USP10: variants seen among roughly 807,000 people sequenced by gnomAD.
The protein encoded by USP10 is ubiquitin carboxyl-terminal hydrolase 10.
Under a neutral mutation model 84.5 loss-of-function variants are expected in USP10, and 22 were observed. The ratio of observed to expected loss-of-function variants is 0.26; its 90% CI spans 0.19 to 0.37. USP10 has a LOEUF of 0.37. USP10 is among the 10% of genes least tolerant of loss of function. The pLI, the probability that USP10 is intolerant of heterozygous loss-of-function variation, is 1.00. For missense variants in USP10, 1,019 were observed against 998.9 expected (o/e 1.02, Z -0.27); for synonymous variants, 454 against 387.6 (o/e 1.17, Z -2.01).
chr16:84,775,196 A>C lies in USP10; in HGVS notation c.2180A>C (p.Lys727Thr), dbSNP rs1914870478. The C allele has an allele frequency of 6.2e-7, 1 of 1,613,786 alleles. No individual in the cohort carries two copies. Among genetic ancestry groups the C allele is most frequent in the Non-Finnish European group, 8.5e-7 (1 of 1,179,702 alleles). The stretch of plus-strand genomic sequence containing the variant: ...CCAGGGGTTAAAAATAAGAATTTTA[A>C]ATGCCACCGAACCTATCGGCTCTTT... ...LSPGVKNKNF[K>T]CHRTYRLFAV... is the part of the protein sequence containing the mutation. Residue 727 changes from lysine (K) to threonine (T), a missense_variant, in exon 13 of 14, where the codon AAA (lysine) becomes ACA (threonine). By Grantham distance (78) the Lys-to-Thr change is moderately conservative (BLOSUM62 -1). This residue lies in a region of USP10 where 232 missense variants were observed against 290.1 expected (regional missense o/e 0.80). Transcript: ENST00000219473.
intron 2 of USP10, among the ~76,000 whole-genome samples, chr16:84,734,093 T>A (rs1305945471): frequency 6.6e-6 from 1 of 152,206 alleles, no homozygotes; most frequent in Non-Finnish European, 1.5e-5. Context: ...TATTTTATCA[T>A]GTCTCCTGGT....
chr16:84,752,357 A>G (rs1016655005), intron 4 of USP10, among the ~76,000 whole-genome samples: 2 of 152,232 alleles, frequency 1.3e-5, no homozygotes, highest in Admixed American at 6.5e-5. Flanking sequence ...GCCAACTTCT[A>G]TTATATGCCC....
intron 10 of USP10, among the ~76,000 whole-genome samples, chr16:84,764,920 C>CGAGA (rs1450932482): frequency 2.4e-4 from 13 of 55,054 alleles, no homozygotes; most frequent in South Asian, 7.4e-4. Flanking sequence ...ACAATAACCA[C>CGAGA]GAGAGAGAGA....
chr16:84,775,349 T>C (rs1914892305), intron 13 of USP10, 124 bp downstream of exon 13: 3 of 943,970 alleles, frequency 3.2e-6, no homozygotes, highest in Non-Finnish European at 5.0e-6. Flanking sequence ...CCCTGTGGCC[T>C]TGTGAGTCGG....
At chr16:84,762,170 C>G (rs1293609435) in intron 8 of USP10, among the ~76,000 whole-genome samples, 1 of 152,248 alleles carries the variant, frequency 6.6e-6, no homozygotes, top group Non-Finnish European at 1.5e-5. Context: ...ATGTGTAACA[C>G]AGCTAACGCT....
At chr16:84,727,795 A>G (rs1472210788) in intron 1 of USP10, among the ~76,000 whole-genome samples, 2 of 152,236 alleles carry the variant, frequency 1.3e-5, no homozygotes, top group Non-Finnish European at 2.9e-5. Context: ...TTGAATGTGT[A>G]TTTCCTAAGA....
intron 1 of USP10, among the ~76,000 whole-genome samples, chr16:84,715,871 C>T (rs1366145566): frequency 1.3e-5 from 2 of 152,156 alleles, no homozygotes; most frequent in Admixed American, 1.3e-4. Flanking sequence ...GGGCTAGTTT[C>T]CCCCACGATG....
chr16:84,713,908 G>A (rs771340578), intron 1 of USP10, among the ~76,000 whole-genome samples: 12 of 152,398 alleles, frequency 7.9e-5, no homozygotes, highest in Admixed American at 3.3e-4. Context: ...TGTCGCTGAA[G>A]TGCATTTGGG....
At chr16:84,740,474 G>A in intron 3 of USP10, 105 bp downstream of exon 3, 1 of 935,710 alleles carries the variant, frequency 1.1e-6, no homozygotes, top group Non-Finnish European at 1.6e-6. Flanking sequence ...ACATTTCTTT[G>A]TAGCTTGAAG....
At chr16:84,738,853 A>G (rs969220075) in intron 2 of USP10, among the ~76,000 whole-genome samples, 47 of 152,284 alleles carry the variant, frequency 3.1e-4, no homozygotes, top group African/African-American at 8.9e-4. Context: ...GAGGAAGCCA[A>G]TCAAGCAGCA....
rs371187327 is a variant in USP10, at chr16:84,775,589, C to G, written c.2209+364C>G. On this transcript the variant is annotated intron_variant, in intron 13 of 13. Coordinates refer to ENST00000219473, the MANE Select transcript of USP10 (RefSeq NM_005153.3). The stretch of plus-strand genomic sequence containing the variant: ...GGAGTTTCCACGACACCTGGTCACC[C>G]AGCCAGGTTGGGTGAGCGCGCCCCC... 5.9e-5 allele frequency among the ~76,000 whole-genome samples: 9 copies of G among 152,308 alleles called. 1 individual carries two copies. The highest frequency in any genetic ancestry group is 1.9e-4 in the East Asian group (1 of 5,174).
chr16:84,759,165 C>T (rs1597379292), intron 5 of USP10, 198 bp from the exon 6 acceptor site: 1 of 609,240 alleles, frequency 1.6e-6, no homozygotes, highest in Non-Finnish European at 2.9e-6. Flanking sequence ...CTGACTGCTT[C>T]GTAGATCCTT....
chr16:84,774,712 GC>G (rs1386142198), intron 12 of USP10, among the ~76,000 whole-genome samples: 1 of 151,998 alleles, frequency 6.6e-6, no homozygotes, highest in Non-Finnish European at 1.5e-5. Flanking sequence ...CCTCGTGATC[GC>G]CCGTCTCAGC....
intron 8 of USP10, among the ~76,000 whole-genome samples, 193 bp from the exon 9 acceptor site, chr16:84,762,796 A>T (rs7205632): frequency 0.74 from 112,436 of 152,144 alleles, 42,613 homozygotes; most frequent in East Asian, 0.95. Context: ...GTGTTTAGTC[A>T]GTTTCTCCTT....
At chr16:84,777,552 C>T (rs111892398) in intron 13 of USP10, among the ~76,000 whole-genome samples, 7,668 of 152,210 alleles carry the variant, frequency 0.05, 581 homozygotes, top group African/African-American at 0.17. Flanking sequence ...CCCTGGCTCT[C>T]CGAAGTACGG....
At chr16:84,723,307 C>G (rs1002564634) in intron 1 of USP10, among the ~76,000 whole-genome samples, 1 of 151,862 alleles carries the variant, frequency 6.6e-6, no homozygotes, top group Admixed American at 6.6e-5. Context: ...AATTCACTTA[C>G]GTTGAATAAG....
At chr16:84,771,071 G>T (rs974386652) in intron 11 of USP10, among the ~76,000 whole-genome samples, 11 of 121,260 alleles carry the variant, frequency 9.1e-5, no homozygotes, top group Non-Finnish European at 1.8e-5. Context: ...AAAAAAAAAA[G>T]TGTTATCCAA....
intron 9 of USP10, among the ~76,000 whole-genome samples, chr16:84,763,841 G>A (rs1030245336): frequency 6.6e-6 from 1 of 151,588 alleles, no homozygotes; most frequent in Non-Finnish European, 1.5e-5. Flanking sequence ...TGTTGGGATT[G>A]GTTGCCATGG....
intron 1 of USP10, among the ~76,000 whole-genome samples, chr16:84,720,452 C>T (rs1296324102): frequency 6.6e-6 from 1 of 151,832 alleles, no homozygotes; most frequent in Non-Finnish European, 1.5e-5. Flanking sequence ...CCGAGAAGCT[C>T]GGCAGTAATA....
Sources: allele counts gnomAD v4.1 joint callset (sites outside exome capture counted in the v4.1 genomes callset), GRCh38; gene constraint gnomAD v4.1.1; regional missense constraint gnomAD v4.1.1; transcripts MANE v1.5; gene names NCBI Gene and HGNC (gene_info 2026-07-23, HGNC 2026-07-21).